RARB: variants seen among roughly 807,000 people sequenced by gnomAD.
RARB encodes retinoic acid receptor beta.
RARB carries 17 observed loss-of-function variants against 51.9 expected under a neutral mutation model. The observed-to-expected ratio is 0.33, with a 90% confidence interval of 0.22 to 0.49. RARB has a LOEUF of 0.49. RARB is among the 20% of genes least tolerant of loss of function. The pLI is 0.99. For synonymous variants in RARB, 215 were observed against 195.4 expected (o/e 1.10, Z -0.84); for missense variants, 369 against 550.8 (o/e 0.67, Z 3.30).
At chr3:25,039,420 A>G (rs749179732) in intron 2 of RARB, among the ~76,000 whole-genome samples, 4 of 152,330 alleles carry the variant, frequency 2.6e-5, no homozygotes, top group Admixed American at 6.5e-5. Context: ...TTACGGTTCA[A>G]ATGATGTGTT....
chr3:25,194,377 C>CT (rs1701179153), intron 5 of RARB, among the ~76,000 whole-genome samples: 1 of 151,352 alleles, frequency 6.6e-6, no homozygotes, highest in Non-Finnish European at 1.5e-5. Context: ...ACTTTAGGTG[C>CT]TTTTACCATA....
chr3:25,320,104 C>G (rs1273576756), intron 5 of RARB, among the ~76,000 whole-genome samples: 1 of 151,110 alleles, frequency 6.6e-6, no homozygotes, highest in Non-Finnish European at 1.5e-5. Context: ...GCAAGCGCTG[C>G]TAAGGAACCT....
intron 2 of RARB, among the ~76,000 whole-genome samples, chr3:24,880,374 G>A (rs1164944801): frequency 6.6e-6 from 1 of 152,002 alleles, no homozygotes; most frequent in African/African-American, 2.4e-5. Flanking sequence ...ACACGAATCT[G>A]TAATTAATAT....
At chr3:25,342,205 C>T (rs1705249536) in intron 5 of RARB, among the ~76,000 whole-genome samples, 1 of 152,170 alleles carries the variant, frequency 6.6e-6, no homozygotes, top group Non-Finnish European at 1.5e-5. Context: ...TTGGATTTCT[C>T]CATTTCAGTT....
At chr3:25,050,154 T>C (rs1698298051) in intron 2 of RARB, among the ~76,000 whole-genome samples, 1 of 152,240 alleles carries the variant, frequency 6.6e-6, no homozygotes, top group Non-Finnish European at 1.5e-5. Context: ...CTTGGAGTTT[T>C]GTGTGACAAC....
At chr3:25,445,507 A>G (rs1575410656) in intron 1 of RARB, among the ~76,000 whole-genome samples, 1 of 152,192 alleles carries the variant, frequency 6.6e-6, no homozygotes, top group African/African-American at 2.4e-5. Flanking sequence ...TATACTGAAA[A>G]TACAAAAAAT....
At chr3:25,452,388 T>G (rs1680281772) in intron 1 of RARB, among the ~76,000 whole-genome samples, 1 of 151,188 alleles carries the variant, frequency 6.6e-6, no homozygotes, top group Admixed American at 6.6e-5. Context: ...TAACTTCTAT[T>G]GCTGGCCGTA....
At chr3:25,554,485 C>T (rs1052337785) in intron 3 of RARB, among the ~76,000 whole-genome samples, 4 of 151,990 alleles carry the variant, frequency 2.6e-5, no homozygotes, top group African/African-American at 9.7e-5. Context: ...TTTTGCGCTA[C>T]AAGGGCAGAG....
At chr3:24,921,918 G>T (rs914873241) in intron 2 of RARB, among the ~76,000 whole-genome samples, 2 of 152,180 alleles carry the variant, frequency 1.3e-5, no homozygotes, top group Non-Finnish European at 2.9e-5. Context: ...TGACTTGAAG[G>T]CTGCAGATTG....
intron 3 of RARB, among the ~76,000 whole-genome samples, chr3:25,098,056 T>C (rs1699332513): frequency 6.6e-6 from 1 of 152,264 alleles, no homozygotes; most frequent in South Asian, 2.1e-4. Context: ...TACTGAAATA[T>C]AATGTACATG....
intron 5 of RARB, among the ~76,000 whole-genome samples, chr3:25,415,590 T>A (rs1707682413): frequency 1.3e-5 from 2 of 152,228 alleles, no homozygotes; most frequent in African/African-American, 2.4e-5. Context: ...AGGTTGGACT[T>A]CCCCATTCAT....
chr3:25,397,324 G>A (rs925027547), intron 5 of RARB, among the ~76,000 whole-genome samples: 18 of 137,474 alleles, frequency 1.3e-4, no homozygotes, highest in African/African-American at 3.8e-4. Flanking sequence ...AGGTTCCTCC[G>A]TGAGGATGTG....
At chr3:25,393,860 T>G (rs1707041090) in intron 5 of RARB, among the ~76,000 whole-genome samples, 1 of 152,070 alleles carries the variant, frequency 6.6e-6, no homozygotes, top group African/African-American at 2.4e-5. Context: ...TTCAAAGAAC[T>G]AGCTTTTTGT....
At chr3:25,199,911 T>G (rs59329476) in intron 5 of RARB, among the ~76,000 whole-genome samples, 2 of 152,186 alleles carry the variant, frequency 1.3e-5, no homozygotes. Flanking sequence ...AACATATGTG[T>G]GCATGTGTCT....
chr3:25,437,119 T>C (rs946085356), intron 1 of RARB, among the ~76,000 whole-genome samples: 96 of 99,696 alleles, frequency 9.6e-4, no homozygotes, highest in African/African-American at 2.7e-3. Context: ...AAAGCAAACT[T>C]TTTTTTTTTT....
chr3:25,150,339 C>T (rs1203098535), intron 4 of RARB, among the ~76,000 whole-genome samples: 2 of 152,132 alleles, frequency 1.3e-5, no homozygotes, highest in African/African-American at 4.8e-5. Flanking sequence ...ACAGGATTCC[C>T]AAGGGAGAAT....
At chr3:25,369,578 T>C (rs1374116170) in intron 5 of RARB, among the ~76,000 whole-genome samples, 2 of 152,202 alleles carry the variant, frequency 1.3e-5, no homozygotes, top group Non-Finnish European at 1.5e-5. Context: ...CTCCTTTGTA[T>C]CTATTGTAAG....
At chr3:24,840,711 A>T (rs1702409598) in intron 1 of RARB, among the ~76,000 whole-genome samples, 1 of 150,866 alleles carries the variant, frequency 6.6e-6, no homozygotes, top group Non-Finnish European at 1.5e-5. Flanking sequence ...CCCCTACAGA[A>T]CCATTTTCTT....
intron 5 of RARB, among the ~76,000 whole-genome samples, chr3:25,209,690 C>T (rs1396427082): frequency 1.3e-5 from 2 of 152,158 alleles, no homozygotes; most frequent in East Asian, 3.9e-4. Context: ...TCTCCTCCAT[C>T]CCTAGCTCTC....
Sources: gnomAD v4.1 joint callset for allele counts (sites outside exome capture counted in the v4.1 genomes callset) on GRCh38, gnomAD v4.1.1 for gene constraint, MANE v1.5 for transcripts, NCBI Gene and HGNC (gene_info 2026-07-23, HGNC 2026-07-21) for gene names.